TMEM108: variants seen among roughly 807,000 people sequenced by gnomAD.
TMEM108 encodes transmembrane protein 108, also known as cancer/testis antigen 124.
In TMEM108, 12 loss-of-function variants were observed where a neutral mutation model predicts 35.1. The observed-to-expected ratio is 0.34, with a 90% confidence interval of 0.22 to 0.55. The LOEUF is 0.55. Among genes scored for constraint, TMEM108 ranks in the 20% least tolerant of loss-of-function variants. The pLI is 0.89. For synonymous variants in TMEM108, 287 were observed against 308.6 expected (o/e 0.93, Z 0.73); for missense variants, 680 against 753.3 (o/e 0.90, Z 1.14).
At chr3:133,039,961 T>A (rs1245278963) in intron 1 of TMEM108, among the ~76,000 whole-genome samples, 1 of 152,164 alleles carries the variant, frequency 6.6e-6, no homozygotes, top group Non-Finnish European at 1.5e-5. Context: ...TATATTTTTT[T>A]AAGAGGGAAC....
chr3:133,187,642 T>C (rs1576370427), intron 2 of TMEM108, among the ~76,000 whole-genome samples: 1 of 151,942 alleles, frequency 6.6e-6, no homozygotes, highest in Non-Finnish European at 1.5e-5. Context: ...CCCAGCTGCT[T>C]GGGAGGCTGA....
At chr3:133,097,572 G>T (rs762333922) in intron 2 of TMEM108, among the ~76,000 whole-genome samples, 1 of 152,100 alleles carries the variant, frequency 6.6e-6, no homozygotes, top group African/African-American at 2.4e-5. Flanking sequence ...AACATTAATG[G>T]CATTTGAAAG....
At chr3:133,238,498 G>T (rs1946270525) in intron 3 of TMEM108, among the ~76,000 whole-genome samples, 1 of 152,132 alleles carries the variant, frequency 6.6e-6, no homozygotes, top group Non-Finnish European at 1.5e-5. Flanking sequence ...ATAAAATACA[G>T]AATTATTTGG....
chr3:133,099,311 AC>A (rs1323649222), intron 2 of TMEM108, among the ~76,000 whole-genome samples: 2 of 151,804 alleles, frequency 1.3e-5, no homozygotes, highest in African/African-American at 4.8e-5. Context: ...CAGCATGGGG[AC>A]CCTGGGCCTG....
intron 3 of TMEM108, among the ~76,000 whole-genome samples, chr3:133,242,089 T>C (rs1471594778): frequency 2.6e-5 from 4 of 152,188 alleles, no homozygotes; most frequent in Non-Finnish European, 5.9e-5. Context: ...TTCTCCTCTT[T>C]TCCATGTATC....
chr3:133,049,811 A>G (rs1943382127), intron 2 of TMEM108, among the ~76,000 whole-genome samples: 1 of 152,176 alleles, frequency 6.6e-6, no homozygotes, highest in Middle Eastern at 3.2e-3. Flanking sequence ...AGAGTCTGGA[A>G]GAGGTGGCAA....
chr3:133,388,519 T>C (rs2107856914), intron 4 of TMEM108: 1 of 985,414 alleles, frequency 1.0e-6, no homozygotes, highest in East Asian at 1.1e-4. Context: ...TCCACAATAT[T>C]TGAAAAGTTC....
intron 2 of TMEM108, among the ~76,000 whole-genome samples, chr3:133,209,405 A>G (rs1193267556): frequency 6.6e-6 from 1 of 152,192 alleles, no homozygotes; most frequent in Non-Finnish European, 1.5e-5. Flanking sequence ...TGCATTAGAC[A>G]AATACATAGG....
Position 133,305,306 on chromosome 3 carries a change from T to C in TMEM108, c.41-74446T>C, listed in dbSNP as rs1411842224. ...ACATATTCTCACTCATAGGTGGGAA[T>C]TGAACAATGAGATCACATGGACACA... On this transcript the variant is annotated intron_variant, in intron 3 of 5. Transcript: ENST00000321871. Among the ~76,000 whole-genome samples the C allele has an allele frequency of 5.0e-5, 7 of 139,926 alleles. No homozygotes were observed. In the South Asian group the frequency reaches 6.7e-4, roughly 13 times the overall value. The allele number at this position is 139,926 out of a possible 152,430, so 91.8% of individuals were successfully genotyped here. A position where few individuals can be genotyped will look rare whatever the true frequency, so the allele number is the denominator to read the frequency against.
At chr3:133,145,718 T>A (rs998249323) in intron 2 of TMEM108, among the ~76,000 whole-genome samples, 4 of 152,224 alleles carry the variant, frequency 2.6e-5, no homozygotes, top group Non-Finnish European at 4.4e-5. Context: ...TTTTATTCTC[T>A]TTGTAGCAAT....
At chr3:133,046,306 T>G (rs1576290063) in intron 2 of TMEM108, among the ~76,000 whole-genome samples, 1 of 152,232 alleles carries the variant, frequency 6.6e-6, no homozygotes, top group East Asian at 1.9e-4. Flanking sequence ...TGTTGAGCCC[T>G]CTTGAGGTGC....
At position 133,199,674 on chromosome 3, in the gene TMEM108, G is replaced by A. The variant is rs190066219; in HGVS notation, c.-46-29592G>A. The stretch of plus-strand genomic sequence containing the variant: ...CTTCGTCTCAGAGGGGCACCCAGCC[G>A]TATGAGGTGTCAGTCGGCCTCTACT... On this transcript the variant is annotated intron_variant, in intron 2 of 5. Coordinates refer to ENST00000321871, the MANE Select transcript of TMEM108 (RefSeq NM_023943.4). 2.7e-3 allele frequency among the ~76,000 whole-genome samples: 409 copies of A among 152,268 alleles called. 2 individuals are homozygous for A. Among genetic ancestry groups the A allele is most frequent in the African/African-American group, 9.6e-3 (398 of 41,540 alleles).
intron 3 of TMEM108, among the ~76,000 whole-genome samples, chr3:133,289,757 G>T (rs189002663): frequency 9.2e-5 from 14 of 152,198 alleles, no homozygotes; most frequent in Admixed American, 5.2e-4. Context: ...CGGCTACTAA[G>T]TTGTTAGGCT....
intron 3 of TMEM108, 38 bp downstream of exon 3, chr3:133,229,389 C>A: frequency 1.9e-6 from 3 of 1,600,046 alleles, no homozygotes; most frequent in Non-Finnish European, 2.6e-6. Flanking sequence ...CTAAAATATA[C>A]TAATGTTATT....
At chr3:133,287,671 A>AT (rs1947004590) in intron 3 of TMEM108, among the ~76,000 whole-genome samples, 1 of 152,214 alleles carries the variant, frequency 6.6e-6, no homozygotes, top group Admixed American at 6.5e-5. Flanking sequence ...TCTAAGATAT[A>AT]CTTATCACCT....
intron 2 of TMEM108, among the ~76,000 whole-genome samples, chr3:133,057,248 AGAC>A (rs1943476031): frequency 6.6e-6 from 1 of 152,070 alleles, no homozygotes; most frequent in Admixed American, 6.5e-5. Context: ...TTGTTTTCTC[AGAC>A]GACCACCTTC....
At chr3:133,103,156 T>A (rs1000463255) in intron 2 of TMEM108, among the ~76,000 whole-genome samples, 2 of 152,230 alleles carry the variant, frequency 1.3e-5, no homozygotes, top group Non-Finnish European at 2.9e-5. Context: ...GAAGCACTAT[T>A]CACAATAGCA....
chr3:133,179,336 G>T (rs930185553), intron 2 of TMEM108, among the ~76,000 whole-genome samples: 35 of 152,252 alleles, frequency 2.3e-4, no homozygotes, highest in African/African-American at 7.2e-4. Flanking sequence ...AAATCATGCT[G>T]CCATAAAGAC....
chr3:133,046,956 G>A (rs922554094), intron 2 of TMEM108, among the ~76,000 whole-genome samples: 2 of 152,170 alleles, frequency 1.3e-5, no homozygotes, highest in East Asian at 3.8e-4. Flanking sequence ...CAGACAGAGG[G>A]CACCCAGAAA....
Sources: allele counts gnomAD v4.1 joint callset (sites outside exome capture counted in the v4.1 genomes callset), GRCh38; gene constraint gnomAD v4.1.1; transcripts MANE v1.5; gene names NCBI Gene and HGNC (gene_info 2026-07-23, HGNC 2026-07-21).